Variants in PADI2 observed in about 807,000 individuals in gnomAD.
PADI2 encodes the protein protein-arginine deiminase type-2.
In PADI2, 70 loss-of-function variants were observed where a neutral mutation model predicts 81.1. That is an observed-to-expected ratio of 0.86 (90% CI 0.71 to 1.05). The LOEUF is 1.05. Ranked by LOEUF, PADI2 falls within the 50% of genes least tolerant of loss-of-function variation. The probability of loss-of-function intolerance (pLI) is 0.00; values close to 1 mark genes in which losing one functional copy is unlikely to be tolerated. For synonymous variants in PADI2, 338 were observed against 358.0 expected, an observed-to-expected ratio of 0.94 and a Z score of 0.63; for missense variants, 853 against 889.9, an observed-to-expected ratio of 0.96 and a Z score of 0.53.
intron 1 of PADI2, among the ~76,000 whole-genome samples, chr1:17,110,378 C>G (rs1931533528): frequency 6.6e-6 from 1 of 152,120 alleles, no homozygotes; most frequent in African/African-American, 2.4e-5. Context: ...ATCCCAGAAC[C>G]CAGGACATGG....
In PADI2 at chr1:17,070,111, C is replaced by A; in HGVS notation, c.1741G>T (p.Ala581Ser). 6.2e-7 allele frequency: 1 copy of A among 1,614,032 alleles called. No homozygotes were observed. The highest frequency in any genetic ancestry group is 8.5e-7 in the Non-Finnish European group (1 of 1,179,948). ...ALFKMDEDHRARAFFPNMVNM... is the reference protein window; with the variant it reads ...ALFKMDEDHRSRAFFPNMVNM... Reference sequence around the variant, plus strand: ...ACCATGTTTGGGAAGAAGGCTCTGGCACGGTGGTCCTCGTCCATCTTGAAC... The same window carrying A: ...ACCATGTTTGGGAAGAAGGCTCTGGAACGGTGGTCCTCGTCCATCTTGAAC... Residue 581 changes from alanine (A) to serine (S), a missense_variant, in exon 15 of 16, where the codon GCC becomes TCC. Physicochemically the swap from Ala to Ser is moderately conservative, Grantham distance 99 (BLOSUM62 1). Coordinates refer to ENST00000375486, the MANE Select transcript of PADI2 (RefSeq NM_007365.3).
intron 3 of PADI2, among the ~76,000 whole-genome samples, chr1:17,099,254 A>G (rs1253316784): frequency 3.3e-5 from 5 of 152,146 alleles, no homozygotes; most frequent in Admixed American, 1.3e-4. Context: ...CCCACAGCCA[A>G]TCAGGGCAAG....
intron 12 of PADI2, chr1:17,075,335 A>C: frequency 3.1e-6 from 1 of 325,654 alleles, no homozygotes; most frequent in South Asian, 4.7e-5. Context: ...CACAATAGCC[A>C]CTAGCCTTAT....
chr1:17,117,442 A>G (rs1931794950), intron 1 of PADI2, among the ~76,000 whole-genome samples: 1 of 152,164 alleles, frequency 6.6e-6, no homozygotes, highest in South Asian at 2.1e-4. Flanking sequence ...TTGTGGTTCA[A>G]ACTGGACTTT....
Position 17,086,617 on chromosome 1 carries a change from C to T in PADI2, c.738G>A (p.Ala246=), listed in dbSNP as rs758701185. The T allele has an allele frequency of 4.3e-6, 7 of 1,613,936 alleles. No individual in the cohort carries two copies. The highest frequency in any genetic ancestry group is 5.9e-6 in the Non-Finnish European group (7 of 1,179,978). ...GGCCTTCCACGAAGAACAGCAGCTC[C>T]GCGGAGCCACCCGTGTACTTGACCA... is the stretch of plus-strand genomic sequence containing the variant. ...YHVVKYTGGS[A]ELLFFVEGLC... is the part of the protein sequence containing the mutation. The change falls in exon 7 of 16, where the codon GCG becomes GCA. Residue 246 remains alanine, a synonymous_variant. Transcript: ENST00000375486.
chr1:17,085,672 G>C (rs746271402), intron 7 of PADI2, among the ~76,000 whole-genome samples: 1 of 152,222 alleles, frequency 6.6e-6, no homozygotes, highest in Non-Finnish European at 1.5e-5. Flanking sequence ...CATTTGCCTA[G>C]TGTCTCGTGG....
chr1:17,095,882 G>T, intron 4 of PADI2, 27 bp downstream of exon 4: 1 of 1,594,764 alleles, frequency 6.3e-7, no homozygotes. Flanking sequence ...TGGGTTCAGG[G>T]TGGTGCCTGC....
intron 11 of PADI2, 27 bp downstream of exon 11, chr1:17,079,237 C>T: frequency 6.2e-7 from 1 of 1,606,314 alleles, no homozygotes; most frequent in East Asian, 2.2e-5. Context: ...CTCCCACAGC[C>T]CCTAGCCCCA....
At position 17,079,299 on chromosome 1, in the gene PADI2, C is replaced by T. The variant is rs377299933; in HGVS notation, c.1275G>A (p.Pro425=). ...TGCTCCCGATGAGGATGCGGCCAAG[C>T]GGGTATGTCTTGCCGTTCACGGTCA... ...PPVTVNGKTY[P]LGRILIGSSF... The change falls in exon 11 of 16, where the codon CCG becomes CCA. Residue 425 remains proline, a synonymous_variant. Coordinates refer to ENST00000375486, the MANE Select transcript of PADI2 (RefSeq NM_007365.3). The T allele has an allele frequency of 9.9e-6, 16 of 1,613,888 alleles. No homozygotes were observed. The highest frequency in any genetic ancestry group is 2.7e-5 in the African/African-American group (2 of 74,910).
intron 12 of PADI2, 22 bp downstream of exon 12, chr1:17,075,657 C>T (rs766790258): frequency 1.2e-6 from 2 of 1,603,516 alleles, no homozygotes; most frequent in South Asian, 1.1e-5. Flanking sequence ...CCATTCACTC[C>T]AGCCTCGGGA....
chr1:17,116,672 C>G (rs1931771362), intron 1 of PADI2, among the ~76,000 whole-genome samples: 1 of 152,126 alleles, frequency 6.6e-6, no homozygotes, highest in Non-Finnish European at 1.5e-5. Flanking sequence ...TCAAACAGAC[C>G]TGGACCTGAG....
At chr1:17,097,756 A>G (rs911475660) in intron 3 of PADI2, among the ~76,000 whole-genome samples, 1 of 92,678 alleles carries the variant, frequency 1.1e-5, no homozygotes, top group Non-Finnish European at 2.4e-5. Flanking sequence ...AGGCGGTACC[A>G]CCAGGGGCTA....
At chr1:17,112,439 C>T (rs927809265) in intron 1 of PADI2, among the ~76,000 whole-genome samples, 3 of 152,142 alleles carry the variant, frequency 2.0e-5, no homozygotes, top group Non-Finnish European at 4.4e-5. Flanking sequence ...GCCTCATTAA[C>T]ACCAGCTGGG....
At chr1:17,110,167 G>T (rs79150422) in intron 1 of PADI2, among the ~76,000 whole-genome samples, 1 of 152,150 alleles carries the variant, frequency 6.6e-6, no homozygotes, top group Non-Finnish European at 1.5e-5. Flanking sequence ...AATCTCTCTC[G>T]CAGAAACCCG....
Position 17,105,006 on chromosome 1 carries a change from C to T in PADI2, c.148G>A (p.Val50Met). The T allele has an allele frequency of 1.2e-6, 2 of 1,603,690 alleles. No homozygotes were observed. Among genetic ancestry groups the T allele is most frequent in the Non-Finnish European group, 8.5e-7 (1 of 1,175,100 alleles). The change falls in exon 2 of 16, where the codon GTG (valine) becomes ATG (methionine). Residue 50 changes from valine (V) to methionine (M), a missense_variant. Coordinates refer to ENST00000375486, the MANE Select transcript of PADI2 (RefSeq NM_007365.3). Reference protein sequence around the residue: ...FSLKHSEHVWVEVVRDGEAEE... With the variant: ...FSLKHSEHVWMEVVRDGEAEE... The stretch of plus-strand genomic sequence containing the variant: ...GCCTCCCCATCACGCACCACCTCCA[C>T]CCACACGTGTTCCGAGTGCTTCAGG...
In PADI2 at chr1:17,095,981, G is replaced by C. The variant is rs749733280; in HGVS notation, c.350-11C>G. Reference sequence around the variant, plus strand: ...CATCCAGGGAGATCTCTGGGGAGAAGAGACATGGGTGAGTTGCTGAGCCTG... The same window carrying C: ...CATCCAGGGAGATCTCTGGGGAGAACAGACATGGGTGAGTTGCTGAGCCTG... On this transcript the variant is annotated splice_polypyrimidine_tract_variant and intron_variant, in intron 3 of 15. Coordinates refer to ENST00000375486, the MANE Select transcript of PADI2 (RefSeq NM_007365.3). 1 of 1,600,132 alleles carries C rather than the reference G, an allele frequency of 6.2e-7. No homozygotes were observed. The highest frequency in any genetic ancestry group is 8.5e-7 in the Non-Finnish European group (1 of 1,172,982).
intron 10 of PADI2, among the ~76,000 whole-genome samples, chr1:17,081,452 C>A (rs955089448): frequency 1.3e-5 from 2 of 152,194 alleles, no homozygotes; most frequent in Non-Finnish European, 2.9e-5. Context: ...CCTGACATTC[C>A]AAAGCTCTGT....
At chr1:17,100,460 T>A (rs186848325) in intron 3 of PADI2, among the ~76,000 whole-genome samples, 4 of 151,440 alleles carry the variant, frequency 2.6e-5, no homozygotes, top group Admixed American at 6.6e-5. Context: ...AGTTTTTATA[T>A]TTTTAGTAGA....
intron 1 of PADI2, among the ~76,000 whole-genome samples, chr1:17,109,470 G>GCCA (rs1317870165): frequency 6.9e-6 from 1 of 145,314 alleles, no homozygotes; most frequent in Non-Finnish European, 1.5e-5. Context: ...CTTAACCAGA[G>GCCA]CCACTACTAC....
Sources: allele counts gnomAD v4.1 joint callset (sites outside exome capture counted in the v4.1 genomes callset), GRCh38; gene constraint gnomAD v4.1.1; transcripts MANE v1.5; gene names NCBI Gene and HGNC (gene_info 2026-07-23, HGNC 2026-07-21).